The following CD207 variants were observed in gnomAD, a reference collection of about 807,000 sequenced individuals.
CD207 encodes CD207 molecule.
Under a neutral mutation model 31.6 loss-of-function variants are expected in CD207, and 28 were observed. The observed-to-expected ratio is 0.89, with a 90% confidence interval of 0.66 to 1.21. The LOEUF is 1.21. CD207 is among the 50% of genes most tolerant of loss of function. CD207 has a pLI of 0.00. For synonymous variants in CD207, 168 were observed against 153.9 expected, an observed-to-expected ratio of 1.09 and a Z score of -0.68; for missense variants, 388 against 397.8, an observed-to-expected ratio of 0.98 and a Z score of 0.21.
At chr2:70,824,621 C>CAAAAAAAAAAAAAAAAAAAA in the CD207 span, among the ~76,000 whole-genome samples, 31 of 38,264 alleles carry the variant, frequency 8.1e-4, 2 homozygotes, top group South Asian at 2.6e-3. Context: ...TGCTTAGTTA[C>CAAAAAAAAAAAAAAAAAAAA]CAAAAAAAAA....
the CD207 span, among the ~76,000 whole-genome samples, chr2:70,824,813 T>C: frequency 6.6e-6 from 1 of 152,146 alleles, no homozygotes; most frequent in Non-Finnish European, 1.5e-5. Context: ...CATAAATGAA[T>C]GTCTGAGTAA....
At chr2:70,825,700 G>A (rs1469399690), downstream of CD207, among the ~76,000 whole-genome samples, 2 of 151,966 alleles carry the variant, frequency 1.3e-5, no homozygotes, top group South Asian at 2.1e-4. Flanking sequence ...CACCACACAC[G>A]GCTAAGTTTT....
At chr2:70,834,945 C>T (rs537968403) in intron 2 of CD207, among the ~76,000 whole-genome samples, 44 of 152,312 alleles carry the variant, frequency 2.9e-4, no homozygotes, top group African/African-American at 1.0e-3. Flanking sequence ...GAGCAGGAAG[C>T]CTCCCTAGAT....
Position 70,831,747 on chromosome 2 carries a change from A to G in CD207, c.790T>C (p.Trp264Arg), listed in dbSNP as rs200837270. ...GLTKAGMEGD[W>R]SWVDDTPFNK... ...AATGGCGTGTCATCCACCCAGGACC[A>G]GTCCCCTTCCATCCCTGCTTTAGTC... Residue 264 changes from tryptophan to arginine, a missense_variant, in exon 5 of 6, where the codon TGG becomes CGG. Coordinates refer to ENST00000410009, the MANE Select transcript of CD207 (RefSeq NM_015717.5). The G allele has an allele frequency of 3.3e-3, 5,401 of 1,613,744 alleles. 10 individuals carry two copies. The highest frequency in any genetic ancestry group is 4.2e-3 in the Non-Finnish European group (4,947 of 1,179,636).
the CD207 span, among the ~76,000 whole-genome samples, chr2:70,824,607 G>T: frequency 1.6e-5 from 1 of 63,718 alleles, no homozygotes; most frequent in Non-Finnish European, 3.1e-5. Flanking sequence ...AGAAAGTAAG[G>T]AGATGCTTAG....
chr2:70,835,418 TG>T, intron 2 of CD207, 72 bp downstream of exon 2: 1 of 989,320 alleles, frequency 1.0e-6, no homozygotes, highest in Non-Finnish European at 1.6e-6. Flanking sequence ...AGCAGGGAAG[TG>T]GTCTCGATCT....
chr2:70,830,857 C>A lies in CD207; in HGVS notation c.*193G>T. On this transcript the variant is annotated 3_prime_UTR_variant, in exon 6 of 6. Coordinates refer to ENST00000410009, the MANE Select transcript of CD207 (RefSeq NM_015717.5). ...CCCACTTTAACCTGAATTCTCCTTT[C>A]CATTCCAGCTGCCTCCAAGACGTCA... 5 of 521,266 alleles carry A rather than the reference C, an allele frequency of 9.6e-6. No individual in the cohort carries two copies. Among genetic ancestry groups the A allele is most frequent in the Non-Finnish European group, 1.7e-5 (5 of 293,658 alleles). The allele number at this position is 521,266 out of a possible 1,614,324, so 32.3% of individuals were successfully genotyped here. A position where few individuals can be genotyped will look rare whatever the true frequency, so the allele number is the denominator to read the frequency against.
intron 2 of CD207, 123 bp from the exon 3 acceptor site, chr2:70,834,143 C>G: frequency 1.2e-6 from 1 of 803,998 alleles, no homozygotes; most frequent in Non-Finnish European, 1.8e-6. Context: ...CCAAGACAGT[C>G]CAATGGGCCA....
downstream of CD207, among the ~76,000 whole-genome samples, chr2:70,829,125 T>C (rs1677410879): frequency 1.3e-5 from 2 of 152,252 alleles, no homozygotes; most frequent in African/African-American, 4.8e-5. Context: ...GTTCAAATTC[T>C]TTCCCAGAGA....
At chr2:70,831,967 C>A in intron 4 of CD207, 148 bp from the exon 5 acceptor site, 1 of 628,392 alleles carries the variant, frequency 1.6e-6, no homozygotes, top group Non-Finnish European at 2.9e-6. Context: ...CTGCCCTTGC[C>A]CAGAGCCCAG....
intron 2 of CD207, 120 bp downstream of exon 2, chr2:70,835,371 G>T (rs958275754): frequency 2.8e-6 from 2 of 724,294 alleles, no homozygotes; most frequent in Admixed American, 4.2e-5. Context: ...GGAGGAAGGA[G>T]ACAAATGAAA....
chr2:70,828,164 C>G (rs1043381278), downstream of CD207, among the ~76,000 whole-genome samples: 7 of 152,152 alleles, frequency 4.6e-5, no homozygotes, highest in Admixed American at 1.3e-4. Flanking sequence ...GAGGAGCTGC[C>G]CAGGTATTGA....
At position 70,830,954 on chromosome 2, in the gene CD207, C is replaced by T. The variant is rs76441599; in HGVS notation, c.*96G>A. The T allele has an allele frequency of 4.4e-3, 5,127 of 1,167,380 alleles. 198 individuals are homozygous for T. In the African/African-American group the frequency reaches 0.072, roughly 16 times the overall value. 72.3% of individuals were successfully genotyped at this position (1,167,380 alleles called of 1,614,324 possible). ...ACAATTTTGAAGCAAGAAAAATTAA[C>T]GTGCAAAGTCATCCTGGAGTCTGGG... On this transcript the variant is annotated 3_prime_UTR_variant, in exon 6 of 6. Transcript: ENST00000410009.
chr2:70,831,261 C>T, intron 5 of CD207, 61 bp from the exon 6 acceptor site: 1 of 1,527,462 alleles, frequency 6.5e-7, no homozygotes, highest in East Asian at 2.3e-5. Flanking sequence ...AACTTATTTC[C>T]AGTGAAGAAA....
In CD207 at chr2:70,835,609, T is replaced by C; in HGVS notation, c.74-2A>G. ...ATGGACCGGACTTGGGAGGAGGCTC[T>C]GTTGGAAGAAGAAGAAAATGTGTGT... On this transcript the variant is annotated splice_acceptor_variant, in intron 1 of 5. Transcript: ENST00000410009. LOFTEE classifies it high-confidence loss of function. 1.2e-6 allele frequency: 2 copies of C among 1,613,410 alleles called. No individual in the cohort carries two copies. The highest frequency in any genetic ancestry group is 1.7e-6 in the Non-Finnish European group (2 of 1,179,392).
rs781853111 is a variant in CD207, at chr2:70,833,720, G to A, written c.491C>T (p.Ala164Val). 8 of 1,613,970 alleles carry A rather than the reference G, an allele frequency of 5.0e-6. No individual in the cohort carries two copies. Among genetic ancestry groups the A allele is most frequent in the Non-Finnish European group, 6.8e-6 (8 of 1,179,880 alleles). Residue 164 changes from alanine to valine, a missense_variant, in exon 3 of 6, where the codon GCC becomes GTC. Transcript: ENST00000410009. The part of the protein sequence containing the change: ...IPELKSDLEK[A>V]SALNTKIRAL... ...CCGGATCTTTGTATTTAAAGCACTG[G>A]CTTTCTCCAAATCACTTTTTAACTC...
chr2:70,829,715 A>G (rs1387343399), downstream of CD207, among the ~76,000 whole-genome samples: 1 of 151,984 alleles, frequency 6.6e-6, no homozygotes, highest in Non-Finnish European at 1.5e-5. Context: ...CTCAGCTGTG[A>G]CCCATTTGCA....
downstream of CD207, among the ~76,000 whole-genome samples, chr2:70,828,631 C>T (rs990506246): frequency 6.6e-6 from 1 of 152,192 alleles, no homozygotes; most frequent in Non-Finnish European, 1.5e-5. Flanking sequence ...CTCCTCTGAG[C>T]CGTTCTCTTT....
the CD207 span, among the ~76,000 whole-genome samples, chr2:70,824,647 C>A: frequency 9.8e-3 from 373 of 38,120 alleles, no homozygotes; most frequent in South Asian, 0.022. Flanking sequence ...AAAAAAAAAA[C>A]TGAGGGAAGT....
Sources: gnomAD v4.1 joint callset for allele counts (sites outside exome capture counted in the v4.1 genomes callset) on GRCh38, gnomAD v4.1.1 for gene constraint, MANE v1.5 for transcripts, NCBI Gene and HGNC (gene_info 2026-07-23, HGNC 2026-07-21) for gene names.